Variants in GBP4 observed in about 807,000 individuals in gnomAD.
GBP4 encodes the protein guanylate-binding protein 4.
Under a neutral mutation model 62.2 loss-of-function variants are expected in GBP4, and 69 were observed. That is an observed-to-expected ratio of 1.11 (90% confidence interval 0.91 to 1.36). The LOEUF is 1.36. GBP4 is among the 40% of genes most tolerant of loss of function. GBP4 has a pLI of 0.00. For missense variants in GBP4, 697 were observed against 759.3 expected, an observed-to-expected ratio of 0.92 and a Z score of 0.96; for synonymous variants, 278 against 274.6, an observed-to-expected ratio of 1.01 and a Z score of -0.12.
chr1:89,195,111 TAAG>T (rs758244723), intron 3 of GBP4, among the ~76,000 whole-genome samples, 183 bp downstream of exon 3: 2 of 152,152 alleles, frequency 1.3e-5, no homozygotes, highest in Non-Finnish European at 2.9e-5. Flanking sequence ...GTGTTAAAAA[TAAG>T]AAGATCTACT....
intron 2 of GBP4, 88 bp from the exon 3 acceptor site, chr1:89,195,512 T>C: frequency 6.7e-7 from 1 of 1,494,950 alleles, no homozygotes; most frequent in Admixed American, 1.8e-5. Flanking sequence ...TAGGAATGTT[T>C]AAGTGGCTGA....
At chr1:89,186,914 T>C (rs1366844826) in intron 9 of GBP4, 86 bp downstream of exon 9, 3 of 1,248,470 alleles carry the variant, frequency 2.4e-6, no homozygotes, top group Non-Finnish European at 3.5e-6. Context: ...AAGCTCCTTT[T>C]AACTGGAATA....
chr1:89,191,142 T>C, intron 6 of GBP4, 119 bp downstream of exon 6: 1 of 1,183,574 alleles, frequency 8.4e-7, no homozygotes, highest in East Asian at 2.4e-5. Context: ...GCAATGAACA[T>C]CTCCTTCTCT....
intron 1 of GBP4, 115 bp from the exon 2 acceptor site, chr1:89,197,419 T>C (rs1264294109): frequency 4.4e-6 from 3 of 675,860 alleles, no homozygotes; most frequent in Admixed American, 3.1e-5. Context: ...ATAAAATTTC[T>C]ACATTTTAAT....
rs371766927 is a variant in GBP4 at position 89,193,153 on chromosome 1, C to G, written c.474-53G>C. ...ACCCTACACCATCATTTCCATATCTCACTTAGAAACAAGTTTTATACACGT... is the reference window on the plus strand; with the variant it reads ...ACCCTACACCATCATTTCCATATCTGACTTAGAAACAAGTTTTATACACGT... On this transcript the variant is annotated intron_variant, in intron 4 of 10. Coordinates refer to ENST00000355754, the MANE Select transcript of GBP4 (RefSeq NM_052941.5). The G allele has an allele frequency of 1.6e-4, 249 of 1,580,350 alleles. 17 individuals are homozygous for G. The highest frequency in any genetic ancestry group is 5.8e-4 in the East Asian group (26 of 44,600).
intron 5 of GBP4, 82 bp downstream of exon 5, chr1:89,192,822 T>G: frequency 7.7e-7 from 1 of 1,298,924 alleles, no homozygotes; most frequent in Non-Finnish European, 1.1e-6. Flanking sequence ...AATGTAAACA[T>G]TTGTGTCAGG....
chr1:89,191,130 G>T, intron 6 of GBP4, 131 bp downstream of exon 6: 1 of 1,044,846 alleles, frequency 9.6e-7, no homozygotes. Flanking sequence ...ATTTCTATGT[G>T]TGCAATGAAC....
At chr1:89,198,754 C>A (rs762421186) in intron 1 of GBP4, 41 bp downstream of exon 1, 1 of 1,565,914 alleles carries the variant, frequency 6.4e-7, no homozygotes, top group Admixed American at 1.7e-5. Flanking sequence ...TTTGTTATAA[C>A]CCAAATATAC....
intron 8 of GBP4, among the ~76,000 whole-genome samples, chr1:89,187,500 C>G (rs1020303874): frequency 2.0e-5 from 3 of 152,116 alleles, no homozygotes; most frequent in African/African-American, 7.2e-5. Context: ...CTAAAAATTT[C>G]TGCAAAGAAA....
At position 89,184,964 on chromosome 1, in the gene GBP4, G is replaced by A; in HGVS notation, c.*290C>T. On this transcript the variant is annotated 3_prime_UTR_variant, in exon 11 of 11. Coordinates refer to ENST00000355754, the MANE Select transcript of GBP4 (RefSeq NM_052941.5). ...ATAATATAAATTGCAAATGGTTAATGGCTTCTTAATCTTACCAGTTGTCTT... is the reference window on the plus strand; with the variant it reads ...ATAATATAAATTGCAAATGGTTAATAGCTTCTTAATCTTACCAGTTGTCTT... 1 of 245,702 alleles carries A rather than the reference G, an allele frequency of 4.1e-6. No homozygotes were observed. The highest frequency in any genetic ancestry group is 7.7e-6 in the Non-Finnish European group (1 of 130,316). 15.2% of individuals were successfully genotyped at this position (245,702 alleles called of 1,614,324 possible).
chr1:89,195,639 G>A (rs1648316486), intron 2 of GBP4, among the ~76,000 whole-genome samples: 1 of 152,128 alleles, frequency 6.6e-6, no homozygotes, highest in Non-Finnish European at 1.5e-5. Context: ...CAGCGGTTCA[G>A]TCCCTAATGG....
chr1:89,198,594 C>G (rs994489054), intron 1 of GBP4: 1 of 594,164 alleles, frequency 1.7e-6, no homozygotes, highest in African/African-American at 1.9e-5. Context: ...TGTGGACCGT[C>G]TAGAGACGCT....
At chr1:89,195,759 A>T (rs1648320233) in intron 2 of GBP4, among the ~76,000 whole-genome samples, 1 of 152,180 alleles carries the variant, frequency 6.6e-6, no homozygotes, top group African/African-American at 2.4e-5. Flanking sequence ...AGATTGTCTT[A>T]AAAGTCAGTA....
Position 89,197,498 on chromosome 1 carries a change from A to G in GBP4, c.41-194T>C, listed in dbSNP as rs375133601. On this transcript the variant is annotated intron_variant, in intron 1 of 10. Transcript: ENST00000355754. ...TATGTATATAAAATTTGTACATTTC[A>G]AATGGAAAAATATTTAGTTTAGCAT... Among the ~76,000 whole-genome samples, 56 of 152,356 alleles carry G rather than the reference A, an allele frequency of 3.7e-4. 6 individuals are homozygous for G. Among genetic ancestry groups the G allele is most frequent in the Admixed American group, 9.1e-4 (14 of 15,314 alleles).
chr1:89,197,359 AG>A, intron 1 of GBP4, 55 bp from the exon 2 acceptor site: 1 of 1,493,544 alleles, frequency 6.7e-7, no homozygotes, highest in African/African-American at 1.4e-5. Flanking sequence ...GTCATCCCTA[AG>A]GGCTACCTAA....
chr1:89,191,373 T>C lies in GBP4; in HGVS notation c.804A>G (p.Pro268=). 6.2e-7 allele frequency: 1 copy of C among 1,614,242 alleles called. No homozygotes were observed. Among genetic ancestry groups the C allele is most frequent in the Non-Finnish European group, 8.5e-7 (1 of 1,180,034 alleles). ...KQYLNHMDEV[P]EENLERHFLM... Reference sequence around the variant, plus strand: ...GGAAATGCCTTTCCAGATTTTCTTCTGGCACTTCGTCCATATGATTTAAAT... The same window carrying C: ...GGAAATGCCTTTCCAGATTTTCTTCCGGCACTTCGTCCATATGATTTAAAT... Residue 268 remains proline, a synonymous_variant, in exon 6 of 11, where the codon CCA becomes CCG. Transcript: ENST00000355754.
In GBP4 at chr1:89,181,928, A is replaced by G. The variant is rs1647892331; in HGVS notation, c.*3326T>C. The G allele has an allele frequency of 6.6e-6, 1 of 152,230 alleles. No homozygotes were observed. The highest frequency in any genetic ancestry group is 2.1e-4 in the South Asian group (1 of 4,828). The allele number at this position is 152,230 out of a possible 1,614,324, so 9.4% of individuals were successfully genotyped here. On this transcript the variant is annotated 3_prime_UTR_variant, in exon 11 of 11. Transcript: ENST00000355754. ...TTGCCACAAGAAGACTAAAATACCT[A>G]AAAATACAGCTAACCAAGGAAGCAA...
intron 7 of GBP4, 134 bp downstream of exon 7, chr1:89,189,904 C>G (rs1648134868): frequency 1.3e-6 from 1 of 782,516 alleles, no homozygotes; most frequent in South Asian, 2.0e-5. Flanking sequence ...ACCTATAGCC[C>G]ATAGAGCCCT....
chr1:89,192,265 A>G (rs2100677172), intron 5 of GBP4, among the ~76,000 whole-genome samples: 1 of 152,368 alleles, frequency 6.6e-6, no homozygotes, highest in Middle Eastern at 3.4e-3. Flanking sequence ...TAGTCTGTTT[A>G]ACAAACGTAT....
Sources: allele counts gnomAD v4.1 joint callset (sites outside exome capture counted in the v4.1 genomes callset), GRCh38; gene constraint gnomAD v4.1.1; transcripts MANE v1.5; gene names NCBI Gene and HGNC (gene_info 2026-07-23, HGNC 2026-07-21).